The following PLCB1 variants were observed in gnomAD, a reference collection of about 807,000 sequenced individuals.
PLCB1 encodes the protein 1-phosphatidylinositol 4,5-bisphosphate phosphodiesterase beta-1.
In PLCB1, 46 loss-of-function variants were observed where a neutral mutation model predicts 161.8. The ratio of observed to expected loss-of-function variants is 0.28; its 90% confidence interval spans 0.22 to 0.36. The LOEUF (loss-of-function observed/expected upper bound fraction) is 0.36. Among genes scored for constraint, PLCB1 ranks in the 10% least tolerant of loss-of-function variants. The pLI is 1.00. For missense variants in PLCB1, 1,016 were observed against 1,472.5 expected (o/e 0.69, Z 5.07); for synonymous variants, 517 against 503.7 (o/e 1.03, Z -0.35).
chr20:8,845,429 T>C (rs1424755088), intron 31 of PLCB1, among the ~76,000 whole-genome samples: 1 of 152,224 alleles, frequency 6.6e-6, no homozygotes, highest in East Asian at 1.9e-4. Context: ...TGCTGTTCGA[T>C]ACAGTAGCCA....
chr20:8,132,689 T>C lies in PLCB1; in HGVS notation c.38T>C (p.Leu13Pro). 3 of 1,612,886 alleles carry C rather than the reference T, an allele frequency of 1.9e-6. No homozygotes were observed. Among genetic ancestry groups the C allele is most frequent in the Non-Finnish European group, 2.5e-6 (3 of 1,179,340 alleles). Residue 13 changes from leucine to proline, a missense_variant, in exon 1 of 32, where the codon CTC becomes CCC. Coordinates refer to ENST00000338037, the MANE Select transcript of PLCB1 (RefSeq NM_015192.4). The surrounding 1 kb of genome is among the most constrained non-coding windows in gnomAD (Gnocchi z 5.2). Reference protein sequence around the residue: ...GAQPGVHALQLKPVCVSDSLK... With the variant: ...GAQPGVHALQPKPVCVSDSLK... Reference sequence around the variant, plus strand: ...CAACCCGGAGTGCACGCCTTGCAACTCAAGCCCGTGTGCGTGTCCGACAGC... The same window carrying C: ...CAACCCGGAGTGCACGCCTTGCAACCCAAGCCCGTGTGCGTGTCCGACAGC...
intron 2 of PLCB1, among the ~76,000 whole-genome samples, chr20:8,255,863 C>T (rs543235714): frequency 7.9e-5 from 12 of 151,972 alleles, no homozygotes; most frequent in Non-Finnish European, 1.6e-4. Context: ...TTTCAATCAG[C>T]GACGAACCAC....
At chr20:8,719,122 C>A (rs999754836) in intron 14 of PLCB1, among the ~76,000 whole-genome samples, 3 of 152,136 alleles carry the variant, frequency 2.0e-5, no homozygotes, top group Non-Finnish European at 2.9e-5. Context: ...GCTTGGCAAT[C>A]TGAAAATCGC....
intron 1 of PLCB1, among the ~76,000 whole-genome samples, chr20:8,146,193 G>A (rs1360085609): frequency 6.6e-6 from 1 of 151,882 alleles, no homozygotes; most frequent in African/African-American, 2.4e-5. Context: ...GTGTCATGGG[G>A]GATGATTAGA....
intron 4 of PLCB1, among the ~76,000 whole-genome samples, chr20:8,645,542 G>T (rs1293252034): frequency 6.6e-6 from 1 of 152,082 alleles, no homozygotes; most frequent in East Asian, 1.9e-4. Context: ...TTGCTTTCTG[G>T]TATGAGGTAG....
intron 16 of PLCB1, among the ~76,000 whole-genome samples, chr20:8,725,355 C>T (rs919631992): frequency 6.6e-6 from 1 of 152,056 alleles, no homozygotes; most frequent in Non-Finnish European, 1.5e-5. Flanking sequence ...TATGAAAATG[C>T]CCCTTGTATT....
At chr20:8,296,350 T>TTATAC (rs2076758048) in intron 2 of PLCB1, among the ~76,000 whole-genome samples, 1 of 152,122 alleles carries the variant, frequency 6.6e-6, no homozygotes, top group Non-Finnish European at 1.5e-5. Flanking sequence ...ATCATACAGA[T>TTATAC]TAATAGAGTC....
intron 3 of PLCB1, among the ~76,000 whole-genome samples, chr20:8,490,877 T>C (rs1160960683): frequency 6.9e-6 from 1 of 144,412 alleles, no homozygotes; most frequent in Non-Finnish European, 1.6e-5. Context: ...TATATATATA[T>C]GTACACATAT....
Position 8,152,097 on chromosome 20 carries a change from G to A in PLCB1, c.177+1726G>A, listed in dbSNP as rs145064643. Among the ~76,000 whole-genome samples, 801 of 152,212 alleles carry A rather than the reference G, an allele frequency of 5.3e-3. 4 individuals carry two copies. The highest frequency in any genetic ancestry group is 0.018 in the African/African-American group (744 of 41,540). ...ATGACCAAGCGAAACAGATAATGTG[G>A]TAGCAATTCCTTTTATCATGTTATT... is the stretch of plus-strand genomic sequence containing the variant. On this transcript the variant is annotated intron_variant, in intron 2 of 31. Transcript: ENST00000338037.
At chr20:8,881,358 T>TGTGTGTGTGTGCGCGC (rs369188885) in intron 31 of PLCB1, among the ~76,000 whole-genome samples, 2 of 150,502 alleles carry the variant, frequency 1.3e-5, no homozygotes, top group Non-Finnish European at 3.0e-5. Context: ...TGTGTGTGTG[T>TGTGTGTGTGTGCGCGC]GCATTTGTAG....
chr20:8,454,591 C>A (rs1444136102), intron 3 of PLCB1, among the ~76,000 whole-genome samples: 9 of 152,074 alleles, frequency 5.9e-5, no homozygotes, highest in African/African-American at 2.2e-4. Flanking sequence ...GGATGACTCA[C>A]TGGTTATTGG....
At chr20:8,294,964 G>A (rs1350740783) in intron 2 of PLCB1, among the ~76,000 whole-genome samples, 1 of 152,040 alleles carries the variant, frequency 6.6e-6, no homozygotes, top group East Asian at 1.9e-4. Flanking sequence ...GCTACATGCA[G>A]CAACATCTTG....
rs542554154 is a variant in PLCB1, at chr20:8,243,231, A to G, written c.177+92860A>G. Among the ~76,000 whole-genome samples the G allele has an allele frequency of 3.3e-5, 5 of 152,134 alleles. No individual in the cohort carries two copies. The South Asian group carries it at 1.0e-3, about 32-fold the overall frequency. On this transcript the variant is annotated intron_variant, in intron 2 of 31. Coordinates refer to ENST00000338037, the MANE Select transcript of PLCB1 (RefSeq NM_015192.4). ...AGAAGCAAGCCCAGCACTTCTGTGGATAAGACTGATTCTGGAACCTACTTT... is the reference window on the plus strand; with the variant it reads ...AGAAGCAAGCCCAGCACTTCTGTGGGTAAGACTGATTCTGGAACCTACTTT...
intron 25 of PLCB1, among the ~76,000 whole-genome samples, chr20:8,763,302 A>G (rs1265726376): frequency 6.6e-6 from 1 of 152,176 alleles, no homozygotes; most frequent in African/African-American, 2.4e-5. Flanking sequence ...CCCGGGTTCA[A>G]GTGATTCTCC....
chr20:8,524,296 G>T (rs1984494692), intron 3 of PLCB1, among the ~76,000 whole-genome samples: 1 of 152,066 alleles, frequency 6.6e-6, no homozygotes, highest in African/African-American at 2.4e-5. Flanking sequence ...TGAAAAAAAT[G>T]AACCTCCTGG....
At chr20:8,337,489 G>C (rs1985626478) in intron 2 of PLCB1, among the ~76,000 whole-genome samples, 1 of 152,102 alleles carries the variant, frequency 6.6e-6, no homozygotes, top group Admixed American at 6.5e-5. Context: ...TAGACATTTA[G>C]CCTTTGAGAG....
chr20:8,687,123 T>A (rs184453760), intron 10 of PLCB1, among the ~76,000 whole-genome samples: 1 of 151,928 alleles, frequency 6.6e-6, no homozygotes, highest in Admixed American at 6.6e-5. Flanking sequence ...TCTCCTGGGC[T>A]CAAGCAATCC....
intron 29 of PLCB1, 78 bp downstream of exon 29, chr20:8,788,800 T>G: frequency 4.4e-6 from 4 of 914,802 alleles, no homozygotes; most frequent in African/African-American, 1.7e-5. Flanking sequence ...CACAGGTTCA[T>G]AACCAGTCAA....
At chr20:8,839,902 A>G (rs2143261) in intron 31 of PLCB1, among the ~76,000 whole-genome samples, 48,541 of 151,690 alleles carry the variant, frequency 0.32, 8,746 homozygotes, top group East Asian at 0.63. Flanking sequence ...GTGGTGGCAC[A>G]TGCCTGTAGT....
Sources: allele counts gnomAD v4.1 joint callset (sites outside exome capture counted in the v4.1 genomes callset), GRCh38; gene constraint gnomAD v4.1.1; non-coding constraint Gnocchi (gnomAD v3.1); transcripts MANE v1.5; gene names NCBI Gene and HGNC (gene_info 2026-07-23, HGNC 2026-07-21).